INPP5A: variants seen among roughly 807,000 people sequenced by gnomAD.
The protein encoded by INPP5A is 43 kDa inositol polyphosphate 5-phophatase.
INPP5A carries 14 observed loss-of-function variants against 65.2 expected under a neutral mutation model. That is an observed-to-expected ratio of 0.21 (90% CI 0.14 to 0.34). The LOEUF is 0.34. Among genes scored for constraint, INPP5A ranks in the 10% least tolerant of loss-of-function variants. The pLI, the probability that INPP5A is intolerant of heterozygous loss-of-function variation, is 1.00. For synonymous variants in INPP5A, 207 were observed against 208.3 expected, an observed-to-expected ratio of 0.99 and a Z score of 0.05; for missense variants, 431 against 545.6, an observed-to-expected ratio of 0.79 and a Z score of 2.09.
rs558154339 is a variant in INPP5A, at chr10:132,738,189, C to T, written c.732+11284C>T. 1.7e-4 allele frequency among the ~76,000 whole-genome samples: 26 copies of T among 152,308 alleles called. No individual in the cohort carries two copies. In the South Asian group the frequency reaches 4.3e-3, roughly 25 times the overall value. ...CTTTATTTAAAAATTCCTCTGACTG[C>T]CCTTGGTTTAAAAGAAACCCATGGG... On this transcript the variant is annotated intron_variant, in intron 9 of 15. Coordinates refer to ENST00000368594, the MANE Select transcript of INPP5A (RefSeq NM_005539.5).
Position 132,676,809 on chromosome 10 carries a change from C to T in INPP5A, c.307-13583C>T, listed in dbSNP as rs1368599249. 3.9e-5 allele frequency among the ~76,000 whole-genome samples: 6 copies of T among 152,196 alleles called. No homozygotes were observed. Among genetic ancestry groups the T allele is most frequent in the African/African-American group, 1.4e-4 (6 of 41,452 alleles). On this transcript the variant is annotated intron_variant, in intron 4 of 15. Coordinates refer to ENST00000368594, the MANE Select transcript of INPP5A (RefSeq NM_005539.5). This position sits in a 1 kb window ranked among gnomAD's most constrained non-coding sequence, Gnocchi z 4.0. The stretch of plus-strand genomic sequence containing the variant: ...CTGGCTCTCACCTGCTCCTGTCTCT[C>T]CACAGTAGTAGCCTCAGTCCAGTGC...
At position 132,637,509 on chromosome 10, in the gene INPP5A, C is replaced by G. The variant is rs943712878; in HGVS notation, c.118-8359C>G. ...GTCCCTGATCCTCCAAATGTTCCTC[C>G]TTCTCTGCCTGTCTCCCACGGTCAC... On this transcript the variant is annotated intron_variant, in intron 2 of 15. Transcript: ENST00000368594. The surrounding 1 kb of genome is among the most constrained non-coding windows in gnomAD (Gnocchi z 4.1). Among the ~76,000 whole-genome samples, 4 of 152,122 alleles carry G rather than the reference C, an allele frequency of 2.6e-5. No homozygotes were observed. The highest frequency in any genetic ancestry group is 7.2e-5 in the African/African-American group (3 of 41,416).
intron 1 of INPP5A, among the ~76,000 whole-genome samples, chr10:132,585,952 C>T (rs1175448418): frequency 6.6e-6 from 1 of 152,214 alleles, no homozygotes; most frequent in Non-Finnish European, 1.5e-5. Context: ...GTCTGGGCTT[C>T]CCTCTGGGTC....
chr10:132,702,331 C>A (rs1845450539), intron 6 of INPP5A, among the ~76,000 whole-genome samples: 1 of 152,106 alleles, frequency 6.6e-6, no homozygotes, highest in Admixed American at 6.5e-5. Context: ...TTTATTCAGT[C>A]TATGGATAAT....
chr10:132,772,477 CA>C (rs1846971972), intron 12 of INPP5A, among the ~76,000 whole-genome samples: 3 of 130,168 alleles, frequency 2.3e-5, no homozygotes, highest in African/African-American at 8.8e-5. Flanking sequence ...AAGAGTGGGA[CA>C]GACACTCAGC....
intron 4 of INPP5A, among the ~76,000 whole-genome samples, chr10:132,682,940 A>T (rs914760627): frequency 6.6e-6 from 1 of 152,000 alleles, no homozygotes; most frequent in African/African-American, 2.4e-5. Flanking sequence ...GTCTGCCATG[A>T]CCCAGCAATG....
chr10:132,698,014 C>T lies in INPP5A; in HGVS notation c.474+95C>T, dbSNP rs1049795576. 11 of 763,512 alleles carry T rather than the reference C, an allele frequency of 1.4e-5. No homozygotes were observed. The African/African-American group carries it at 1.7e-4, about 12-fold the overall frequency. The allele number at this position is 763,512 out of a possible 1,614,324, so 47.3% of individuals were successfully genotyped here. Reference sequence around the variant, plus strand: ...ACGGAATTTTCGCATTGCACTGTTACTAGTCACAGCTGCCTGTTGTTACCT... The same window carrying T: ...ACGGAATTTTCGCATTGCACTGTTATTAGTCACAGCTGCCTGTTGTTACCT... On this transcript the variant is annotated intron_variant, in intron 6 of 15. Transcript: ENST00000368594. The surrounding 1 kb of genome is among the most constrained non-coding windows in gnomAD (Gnocchi z 5.5).
chr10:132,748,292 A>G (rs1846408309), intron 9 of INPP5A, among the ~76,000 whole-genome samples: 1 of 152,194 alleles, frequency 6.6e-6, no homozygotes, highest in South Asian at 2.1e-4. Flanking sequence ...GTAAGGCAGC[A>G]GCTGTGCCCT....
At chr10:132,758,167 AC>A (rs1846664052) in intron 11 of INPP5A, among the ~76,000 whole-genome samples, 24 of 59,996 alleles carry the variant, frequency 4.0e-4, no homozygotes, top group Non-Finnish European at 5.8e-4. Flanking sequence ...CTGACCCCAC[AC>A]CCATAGCCCG....
chr10:132,741,723 T>C lies in INPP5A; in HGVS notation c.733-7794T>C, dbSNP rs11146493. ...AAACTGAGGTGGACGTCAGTATCTG[T>C]GTCCGCTTGCTTTACTCAATAGCCG... is the stretch of plus-strand genomic sequence containing the variant. On this transcript the variant is annotated intron_variant, in intron 9 of 15. Coordinates refer to ENST00000368594, the MANE Select transcript of INPP5A (RefSeq NM_005539.5). This position sits in a 1 kb window ranked among gnomAD's most constrained non-coding sequence, Gnocchi z 4.4. 5.4e-5 allele frequency among the ~76,000 whole-genome samples: 8 copies of C among 149,406 alleles called. No homozygotes were observed. Among genetic ancestry groups the C allele is most frequent in the Non-Finnish European group, 1.0e-4 (7 of 67,500 alleles).
chr10:132,614,996 C>A (rs984004337), intron 2 of INPP5A, among the ~76,000 whole-genome samples: 5 of 152,246 alleles, frequency 3.3e-5, no homozygotes, highest in African/African-American at 1.2e-4. Flanking sequence ...GTTGCCGCAG[C>A]CTGAGTGAAG....
rs1285110677 is a variant in INPP5A at position 132,575,912 on chromosome 10, C to G, written c.76-32003C>G. Among the ~76,000 whole-genome samples the G allele has an allele frequency of 6.6e-6, 1 of 152,200 alleles. No individual in the cohort carries two copies. The highest frequency in any genetic ancestry group is 1.5e-5 in the Non-Finnish European group (1 of 68,036). ...CTGCTTGATGCCACTGACATCGCGG[C>G]TCTTGTGGACTGTGGAGCTGGTGGC... On this transcript the variant is annotated intron_variant, in intron 1 of 15. Transcript: ENST00000368594. The surrounding 1 kb of genome is among the most constrained non-coding windows in gnomAD (Gnocchi z 5.4).
rs2072366848 is a variant in INPP5A, at chr10:132,637,259, C to G, written c.118-8609C>G. ...TACCTGGAGGCCATGAGGATCTTAT[C>G]TTTATCTTTGAAATCTTGGAGTTGA... On this transcript the variant is annotated intron_variant, in intron 2 of 15. Coordinates refer to ENST00000368594, the MANE Select transcript of INPP5A (RefSeq NM_005539.5). The surrounding 1 kb of genome is among the most constrained non-coding windows in gnomAD (Gnocchi z 4.1). Among the ~76,000 whole-genome samples the G allele has an allele frequency of 6.6e-6, 1 of 152,152 alleles. No homozygotes were observed.
At chr10:132,559,509 C>T (rs530387776) in intron 1 of INPP5A, among the ~76,000 whole-genome samples, 36 of 152,214 alleles carry the variant, frequency 2.4e-4, no homozygotes, top group African/African-American at 8.0e-4. Context: ...TCCTTTCCCC[C>T]CTTCCGCCAA....
intron 9 of INPP5A, among the ~76,000 whole-genome samples, chr10:132,730,173 C>T (rs952257208): frequency 9.8e-5 from 15 of 152,374 alleles, no homozygotes; most frequent in African/African-American, 3.6e-4. Flanking sequence ...GTCCACCTGC[C>T]CTGTCCTCAG....
At chr10:132,683,816 G>T (rs2073083669) in intron 4 of INPP5A, among the ~76,000 whole-genome samples, 1 of 152,222 alleles carries the variant, frequency 6.6e-6, no homozygotes. Context: ...CCAGGTTCAA[G>T]TGATTCTCCT....
chr10:132,748,335 G>A (rs1661248002), intron 9 of INPP5A, among the ~76,000 whole-genome samples: 1 of 152,202 alleles, frequency 6.6e-6, no homozygotes, highest in Admixed American at 6.5e-5. Context: ...AGAAACGCCG[G>A]TGCCTCTGCC....
At chr10:132,643,352 G>A (rs1195365229) in intron 2 of INPP5A, among the ~76,000 whole-genome samples, 1 of 152,084 alleles carries the variant, frequency 6.6e-6, no homozygotes, top group African/African-American at 2.4e-5. Flanking sequence ...GAAGGATTTT[G>A]AGGCCAGATG....
rs1404168508 is a variant in INPP5A at position 132,698,845 on chromosome 10, A to G, written c.474+926A>G. ...GAGAGCTGTGCAGGCTGAGGCTGCT[A>G]CGGAGCTGACTTCCAGCAAGGCCAC... On this transcript the variant is annotated intron_variant, in intron 6 of 15. Coordinates refer to ENST00000368594, the MANE Select transcript of INPP5A (RefSeq NM_005539.5). The surrounding 1 kb of genome is among the most constrained non-coding windows in gnomAD (Gnocchi z 5.5). Among the ~76,000 whole-genome samples, 3 of 152,210 alleles carry G rather than the reference A, an allele frequency of 2.0e-5. No individual in the cohort carries two copies. The highest frequency in any genetic ancestry group is 7.2e-5 in the African/African-American group (3 of 41,452).
Sources: gnomAD v4.1 joint callset for allele counts (sites outside exome capture counted in the v4.1 genomes callset) on GRCh38, gnomAD v4.1.1 for gene constraint, Gnocchi (gnomAD v3.1) non-coding constraint, MANE v1.5 for transcripts, NCBI Gene and HGNC (gene_info 2026-07-23, HGNC 2026-07-21) for gene names.